The following TESC variants were observed in gnomAD, a reference collection of about 807,000 sequenced individuals.
TESC encodes the protein tescalcin.
In TESC, 19 loss-of-function variants were observed where a neutral mutation model predicts 31.0. The observed-to-expected ratio is 0.61, with a 90% confidence interval of 0.43 to 0.90. TESC has a LOEUF of 0.90. Ranked by LOEUF, TESC falls within the 40% of genes least tolerant of loss-of-function variation. TESC has a pLI of 0.00. For missense variants in TESC, 248 were observed against 303.8 expected, an observed-to-expected ratio of 0.82 and a Z score of 1.36; for synonymous variants, 109 against 114.8, an observed-to-expected ratio of 0.95 and a Z score of 0.32.
chr12:117,075,913 A>ATGTGTG (rs1172157385), intron 1 of TESC, among the ~76,000 whole-genome samples: 901 of 51,842 alleles, frequency 0.017, 34 homozygotes, highest in African/African-American at 0.042. Flanking sequence ...ATATATATAT[A>ATGTGTG]TGTGTGTGTG....
At chr12:117,064,114 ACT>A (rs1307888467) in intron 2 of TESC, among the ~76,000 whole-genome samples, 8 of 151,912 alleles carry the variant, frequency 5.3e-5, no homozygotes, top group African/African-American at 1.9e-4. Flanking sequence ...ACAGGGTCTC[ACT>A]ATATTTCCCA....
intron 1 of TESC, 36 bp downstream of exon 1, chr12:117,099,189 G>T: frequency 6.8e-7 from 1 of 1,474,030 alleles, no homozygotes; most frequent in Non-Finnish European, 8.9e-7. Context: ...CGGAGGTCCC[G>T]CCCCGGTCCC....
chr12:117,050,072 G>A (rs1954625374), intron 3 of TESC, among the ~76,000 whole-genome samples: 1 of 151,860 alleles, frequency 6.6e-6, no homozygotes, highest in Admixed American at 6.6e-5. Flanking sequence ...CAAAGTGCTG[G>A]GACTATATAT....
intron 3 of TESC, among the ~76,000 whole-genome samples, chr12:117,053,543 A>G (rs1393061359): frequency 6.6e-6 from 1 of 152,098 alleles, no homozygotes; most frequent in Non-Finnish European, 1.5e-5. Context: ...AAGGAATAAG[A>G]GCATACACTA....
chr12:117,085,733 C>T (rs545621917), intron 1 of TESC, among the ~76,000 whole-genome samples: 2 of 152,128 alleles, frequency 1.3e-5, no homozygotes, highest in Admixed American at 6.5e-5. Context: ...ACAGTGCTGC[C>T]GGGGGAGGCT....
At chr12:117,094,606 C>T (rs772356169) in intron 1 of TESC, among the ~76,000 whole-genome samples, 2 of 152,086 alleles carry the variant, frequency 1.3e-5, no homozygotes, top group African/African-American at 2.4e-5. Context: ...TTGCGGGCTC[C>T]AGGAGCGCTG....
At chr12:117,069,615 T>C (rs1393281859) in intron 2 of TESC, among the ~76,000 whole-genome samples, 3 of 152,120 alleles carry the variant, frequency 2.0e-5, no homozygotes, top group African/African-American at 7.2e-5. Context: ...AAGTGGGGCT[T>C]TCAATGCCGC....
chr12:117,074,703 A>T (rs1301588707), intron 2 of TESC, among the ~76,000 whole-genome samples: 1 of 152,210 alleles, frequency 6.6e-6, no homozygotes, highest in African/African-American at 2.4e-5. Context: ...TTCCAAGCAC[A>T]TTCCATCCGA....
Position 117,075,847 on chromosome 12 carries a change from G to GTATATATATATATATATGTGTA in TESC, c.59-508_59-507insTACACATATATATATATATATA, listed in dbSNP as rs1955046161. On this transcript the variant is annotated intron_variant, in intron 1 of 7. Transcript: ENST00000335209. ...GCCCGGCTAATTTTCGTGTGTGTGTGTATATATATATATATATATATATGT... is the reference window on the plus strand; with the variant it reads ...GCCCGGCTAATTTTCGTGTGTGTGTGTATATATATATATATATGTGTATATATATATATATATATATATATGT... 1.6e-4 allele frequency among the ~76,000 whole-genome samples: 11 copies of GTATATATATATATATATGTGTA among 67,220 alleles called. 1 individual carries two copies. Among genetic ancestry groups the GTATATATATATATATATGTGTA allele is most frequent in the Non-Finnish European group, 2.7e-4 (10 of 36,834 alleles). The allele number at this position is 67,220 out of a possible 152,430, so 44.1% of individuals were successfully genotyped here.
chr12:117,043,970 G>C (rs1327272324), intron 6 of TESC, among the ~76,000 whole-genome samples: 1 of 151,890 alleles, frequency 6.6e-6, no homozygotes, highest in Non-Finnish European at 1.5e-5. Flanking sequence ...TTTTGGCCAG[G>C]CACAGTGGTT....
intron 3 of TESC, among the ~76,000 whole-genome samples, chr12:117,053,770 A>ACACACG (rs1954682777): frequency 6.6e-6 from 1 of 151,862 alleles, no homozygotes; most frequent in South Asian, 2.1e-4. Context: ...ATACACATAC[A>ACACACG]CACACGCACG....
chr12:117,056,822 C>A lies in TESC; in HGVS notation c.193G>T (p.Ala65Ser). The change falls in exon 3 of 8, where the codon GCC becomes TCC. Residue 65 changes from alanine (A) to serine (S), a missense_variant. Transcript: ENST00000335209. Reference sequence around the variant, plus strand: ...AACGCCCACCTGTTGTCGAAGAAGGCACGAACAATTTTGGATCGGATGGGG... The same window carrying A: ...AACGCCCACCTGTTGTCGAAGAAGGAACGAACAATTTTGGATCGGATGGGG... Reference protein sequence around the residue: ...LNPIRSKIVRAFFDNRNLRKG... With the variant: ...LNPIRSKIVRSFFDNRNLRKG... 1 of 1,614,148 alleles carries A rather than the reference C, an allele frequency of 6.2e-7. No individual in the cohort carries two copies. The highest frequency in any genetic ancestry group is 8.5e-7 in the Non-Finnish European group (1 of 1,180,014).
intron 2 of TESC, among the ~76,000 whole-genome samples, chr12:117,069,377 T>A (rs543787774): frequency 3.5e-4 from 54 of 152,232 alleles, no homozygotes; most frequent in African/African-American, 1.3e-3. Context: ...TAGCTGGGAT[T>A]ACAAGCACAC....
intron 1 of TESC, among the ~76,000 whole-genome samples, chr12:117,078,856 T>C (rs1955107929): frequency 6.6e-6 from 1 of 152,216 alleles, no homozygotes; most frequent in African/African-American, 2.4e-5. Context: ...GTATTAGTCT[T>C]GTAATGAAGT....
chr12:117,091,526 C>T (rs1243750469), intron 1 of TESC, among the ~76,000 whole-genome samples: 1 of 152,208 alleles, frequency 6.6e-6, no homozygotes. Context: ...AAAGATGCAG[C>T]GGGGATCTAA....
chr12:117,070,948 G>T (rs770201404), intron 2 of TESC, among the ~76,000 whole-genome samples: 18 of 150,534 alleles, frequency 1.2e-4, no homozygotes, highest in African/African-American at 4.2e-4. Context: ...ATCAGCCTGA[G>T]CAACACAGCG....
intron 1 of TESC, among the ~76,000 whole-genome samples, chr12:117,077,933 G>A (rs918046870): frequency 3.9e-5 from 6 of 151,928 alleles, no homozygotes; most frequent in Non-Finnish European, 7.4e-5. Context: ...TTCTGGATAT[G>A]CACTATATCA....
At chr12:117,069,549 T>A (rs1954936396) in intron 2 of TESC, among the ~76,000 whole-genome samples, 1 of 152,068 alleles carries the variant, frequency 6.6e-6, no homozygotes, top group Non-Finnish European at 1.5e-5. Context: ...ACAATATGAA[T>A]GTCTAAAAAT....
At chr12:117,066,200 C>CTTTTTTTTTTTTTTTTTTTTTTTT (rs58829406) in intron 2 of TESC, among the ~76,000 whole-genome samples, 4 of 62,982 alleles carry the variant, frequency 6.4e-5, no homozygotes, top group Admixed American at 2.1e-4. Flanking sequence ...CTTCCTTTAG[C>CTTTTTTTTTTTTTTTTTTTTTTTT]TTTTTTTTTT....
Sources: allele counts gnomAD v4.1 joint callset (sites outside exome capture counted in the v4.1 genomes callset), GRCh38; gene constraint gnomAD v4.1.1; transcripts MANE v1.5; gene names NCBI Gene and HGNC (gene_info 2026-07-23, HGNC 2026-07-21).